Variants in PCDHA10 observed in about 807,000 individuals in gnomAD.
PCDHA10 encodes the protein protocadherin alpha-10.
Under a neutral mutation model 61.2 loss-of-function variants are expected in PCDHA10, and 45 were observed. The ratio of observed to expected loss-of-function variants is 0.74; its 90% CI spans 0.58 to 0.94. The LOEUF (loss-of-function observed/expected upper bound fraction) is 0.94. Ranked by LOEUF, PCDHA10 falls within the 40% of genes least tolerant of loss-of-function variation. The pLI is 0.00. For missense variants in PCDHA10, 1,278 were observed against 1,236.2 expected (o/e 1.03, Z -0.51); for synonymous variants, 602 against 548.8 (o/e 1.10, Z -1.35).
chr5:140,884,839 G>T, intron 1 of PCDHA10: 1 of 893,290 alleles, frequency 1.1e-6, no homozygotes, highest in Non-Finnish European at 1.6e-6. Context: ...TTATCCTTCA[G>T]AGTGAAATCT....
intron 3 of PCDHA10, among the ~76,000 whole-genome samples, chr5:140,996,100 G>A (rs1554255000): frequency 1.3e-5 from 2 of 152,190 alleles, no homozygotes; most frequent in Non-Finnish European, 2.9e-5. Flanking sequence ...TACATGGAAT[G>A]GTATGGAAGT....
chr5:140,857,468 T>C lies in PCDHA10; in HGVS notation c.1420T>C (p.Phe474Leu). The C allele has an allele frequency of 1.3e-6, 2 of 1,598,520 alleles. 1 individual carries two copies. Among genetic ancestry groups the C allele is most frequent in the Non-Finnish European group, 1.7e-6 (2 of 1,167,858 alleles). The stretch of plus-strand genomic sequence containing the variant: ...GAACAACCCGCCAGGCTGCCACATC[T>C]TCACGGTGTCTGCGTGGGACGCGGA... ...KENNPPGCHI[F>L]TVSAWDADAQ... The change falls in exon 1 of 4, where the codon TTC becomes CTC. Residue 474 changes from phenylalanine to leucine, a missense_variant. By Grantham distance (22) the Phe-to-Leu change is conservative (BLOSUM62 0). Transcript: ENST00000307360.
chr5:140,882,174 C>T (rs868925922), intron 1 of PCDHA10: 1 of 1,514,752 alleles, frequency 6.6e-7, no homozygotes. Context: ...CGAATCCTTC[C>T]GCACTAGGAA....
intron 3 of PCDHA10, 149 bp downstream of exon 3, chr5:140,982,712 T>C: frequency 7.3e-7 from 1 of 1,373,964 alleles, no homozygotes; most frequent in Non-Finnish European, 9.6e-7. Context: ...TCCTTACATA[T>C]ATGATTATTT....
At chr5:141,005,809 C>T (rs1554260384) in intron 3 of PCDHA10, among the ~76,000 whole-genome samples, 1 of 150,480 alleles carries the variant, frequency 6.6e-6, no homozygotes, top group Admixed American at 6.6e-5. Flanking sequence ...TCCAAGGAGC[C>T]AGGTATGGTG....
intron 1 of PCDHA10, among the ~76,000 whole-genome samples, chr5:140,910,875 C>A (rs1224657424): frequency 4.6e-5 from 7 of 152,184 alleles, no homozygotes; most frequent in Non-Finnish European, 7.3e-5. Flanking sequence ...TTATCCCACA[C>A]CCTTAATATC....
At chr5:140,989,644 T>C (rs1284720942) in intron 3 of PCDHA10, among the ~76,000 whole-genome samples, 3 of 152,232 alleles carry the variant, frequency 2.0e-5, no homozygotes, top group Non-Finnish European at 4.4e-5. Flanking sequence ...GGGTCTTTCA[T>C]GGCAATATTT....
intron 3 of PCDHA10, among the ~76,000 whole-genome samples, chr5:141,000,385 C>A (rs868983393): frequency 3.1e-5 from 2 of 64,984 alleles, no homozygotes; most frequent in South Asian, 5.2e-4. Flanking sequence ...CTCTCTCTCT[C>A]TCTCTCTCTC....
In PCDHA10 at chr5:140,961,268, T is replaced by C. The variant is rs116524101; in HGVS notation, c.2389-17681T>C. Reference sequence around the variant, plus strand: ...TATCCGAAGCTCCAGGAAGCTTCTTTTTACCATGGCTCTGTTTCTTGAGGT... The same window carrying C: ...TATCCGAAGCTCCAGGAAGCTTCTTCTTACCATGGCTCTGTTTCTTGAGGT... On this transcript the variant is annotated intron_variant, in intron 1 of 3. Coordinates refer to ENST00000307360, the MANE Select transcript of PCDHA10 (RefSeq NM_018901.4). Among the ~76,000 whole-genome samples the C allele has an allele frequency of 5.5e-3, 833 of 152,318 alleles. 9 individuals carry two copies. The highest frequency in any genetic ancestry group is 0.019 in the African/African-American group (777 of 41,562).
chr5:140,904,685 G>A (rs2071317723), intron 1 of PCDHA10, among the ~76,000 whole-genome samples: 1 of 152,104 alleles, frequency 6.6e-6, no homozygotes, highest in African/African-American at 2.4e-5. Context: ...CCCACCAGCA[G>A]TGTAAAATTG....
At chr5:140,912,689 C>T (rs879967123) in intron 1 of PCDHA10, among the ~76,000 whole-genome samples, 1 of 152,112 alleles carries the variant, frequency 6.6e-6, no homozygotes, top group Admixed American at 6.5e-5. Context: ...TTCCAGGTCT[C>T]AGGGGGAATG....
intron 1 of PCDHA10, among the ~76,000 whole-genome samples, chr5:140,946,338 A>T (rs1042874038): frequency 6.6e-6 from 1 of 151,824 alleles, no homozygotes; most frequent in Non-Finnish European, 1.5e-5. Flanking sequence ...ATAACAAGTG[A>T]TGGAGAGGAT....
In PCDHA10 at chr5:140,857,901, G is replaced by A. The variant is rs782807567; in HGVS notation, c.1853G>A (p.Arg618His). Reference protein sequence around the residue: ...YELQSAAVGARIPFRVGLYTG... With the variant: ...YELQSAAVGAHIPFRVGLYTG... Reference sequence around the variant, plus strand: ...TTGCAGTCGGCGGCGGTTGGTGCACGCATCCCGTTTCGCGTGGGGCTGTAC... The same window carrying A: ...TTGCAGTCGGCGGCGGTTGGTGCACACATCCCGTTTCGCGTGGGGCTGTAC... The change falls in exon 1 of 4, where the codon CGC (arginine) becomes CAC (histidine). Residue 618 changes from arginine to histidine, a missense_variant. Physicochemically the swap from Arg to His is conservative, Grantham distance 29 (BLOSUM62 0). Coordinates refer to ENST00000307360, the MANE Select transcript of PCDHA10 (RefSeq NM_018901.4). 3 of 1,597,728 alleles carry A rather than the reference G, an allele frequency of 1.9e-6. No individual in the cohort carries two copies. Among genetic ancestry groups the A allele is most frequent in the East Asian group, 4.5e-5 (2 of 44,828 alleles).
chr5:140,858,298 G>A lies in PCDHA10; in HGVS notation c.2250G>A (p.Gln750=). The A allele has an allele frequency of 1.3e-6, 2 of 1,597,204 alleles. 1 individual carries two copies. Among genetic ancestry groups the A allele is most frequent in the South Asian group, 2.2e-5 (2 of 90,438 alleles). ...CGGTGGGGAGCTGGTCTTACTCGCA[G>A]CAGAGGCGGCAGAGGGTGTGTTCTG... ...SSAVGSWSYS[Q]QRRQRVCSGE... Residue 750 remains glutamine, a synonymous_variant, in exon 1 of 4, where the codon CAG becomes CAA. Transcript: ENST00000307360.
rs548122977 is a variant in PCDHA10 at position 141,010,588 on chromosome 5, T to C, written c.*651T>C. ...AGGCTTTAGGAGACCCTAAAGTCTG[T>C]TGGCTGTGACGTCATTATACCTAAA... On this transcript the variant is annotated 3_prime_UTR_variant, in exon 4 of 4. Coordinates refer to ENST00000307360, the MANE Select transcript of PCDHA10 (RefSeq NM_018901.4). 5 of 233,334 alleles carry C rather than the reference T, an allele frequency of 2.1e-5. No individual in the cohort carries two copies. In the East Asian group the frequency reaches 4.8e-4, roughly 22 times the overall value. 14.5% of individuals were successfully genotyped at this position (233,334 alleles called of 1,614,324 possible).
chr5:140,982,286 A>C, intron 2 of PCDHA10, 189 bp from the exon 3 acceptor site: 1 of 1,075,236 alleles, frequency 9.3e-7, no homozygotes, highest in Non-Finnish European at 1.3e-6. Flanking sequence ...GCAGGCAATA[A>C]GTAAGTCAGC....
At position 140,929,318 on chromosome 5, in the gene PCDHA10, A is replaced by G. The variant is rs78197291; in HGVS notation, c.2389-49631A>G. The G allele has an allele frequency of 3.9e-4, 606 of 1,545,240 alleles. 3 individuals carry two copies. The African/African-American group carries it at 7.7e-3, about 20-fold the overall frequency. ...AGGAAAGGGGATCACGCTAATGTCA[A>G]TGCCATGGTAAGCAAATTTTATGGA... On this transcript the variant is annotated intron_variant, in intron 1 of 3. Coordinates refer to ENST00000307360, the MANE Select transcript of PCDHA10 (RefSeq NM_018901.4).
At chr5:140,996,699 C>T (rs1462785057) in intron 3 of PCDHA10, among the ~76,000 whole-genome samples, 3 of 152,146 alleles carry the variant, frequency 2.0e-5, no homozygotes, top group Non-Finnish European at 2.9e-5. Flanking sequence ...TTCTGAACCT[C>T]TATCTCTTTG....
At chr5:140,861,319 C>G (rs781885907) in intron 1 of PCDHA10, 29 of 220,020 alleles carry the variant, frequency 1.3e-4, no homozygotes, top group Non-Finnish European at 2.1e-4. Context: ...ACCAGTTCCA[C>G]TACACCATCC....
Sources: gnomAD v4.1 joint callset for allele counts (sites outside exome capture counted in the v4.1 genomes callset) on GRCh38, gnomAD v4.1.1 for gene constraint, MANE v1.5 for transcripts, NCBI Gene and HGNC (gene_info 2026-07-23, HGNC 2026-07-21) for gene names.